The following NXPH2 variants were observed in gnomAD, a reference collection of about 807,000 sequenced individuals.
The protein encoded by NXPH2 is neurexophilin-2.
Under a neutral mutation model 19.8 loss-of-function variants are expected in NXPH2, and 5 were observed. That is an observed-to-expected ratio of 0.25 (90% CI 0.13 to 0.53). The LOEUF is 0.53. Ranked by LOEUF, NXPH2 falls within the 20% of genes least tolerant of loss-of-function variation. The pLI, the probability that NXPH2 is intolerant of heterozygous loss-of-function variation, is 0.96. For synonymous variants in NXPH2, 154 were observed against 127.4 expected, an observed-to-expected ratio of 1.21 and a Z score of -1.41; for missense variants, 289 against 322.8, an observed-to-expected ratio of 0.90 and a Z score of 0.80.
At chr2:138,703,489 G>A (rs1680963229) in intron 1 of NXPH2, among the ~76,000 whole-genome samples, 2 of 152,182 alleles carry the variant, frequency 1.3e-5, no homozygotes, top group African/African-American at 4.8e-5. Flanking sequence ...AGCCACTTGA[G>A]TACAAGTGAA....
At chr2:138,696,270 A>T (rs977727529) in intron 1 of NXPH2, among the ~76,000 whole-genome samples, 4 of 152,174 alleles carry the variant, frequency 2.6e-5, no homozygotes, top group Non-Finnish European at 5.9e-5. Flanking sequence ...GGTATACAGA[A>T]ATAGATATAA....
intron 1 of NXPH2, among the ~76,000 whole-genome samples, chr2:138,773,074 G>A (rs1196958233): frequency 1.3e-5 from 2 of 152,238 alleles, no homozygotes; most frequent in Admixed American, 1.3e-4. Context: ...ATCCATGAAT[G>A]TTGGAAGGCA....
intron 1 of NXPH2, among the ~76,000 whole-genome samples, chr2:138,756,652 G>A (rs890784854): frequency 5.9e-5 from 9 of 152,180 alleles, no homozygotes; most frequent in African/African-American, 2.2e-4. Flanking sequence ...AACAAGTGGA[G>A]GTGGCATAAA....
intron 1 of NXPH2, among the ~76,000 whole-genome samples, chr2:138,769,332 A>G (rs1298599552): frequency 6.6e-6 from 1 of 152,172 alleles, no homozygotes; most frequent in Non-Finnish European, 1.5e-5. Flanking sequence ...GGGGATGAGG[A>G]AAGATGAGCC....
intron 1 of NXPH2, among the ~76,000 whole-genome samples, chr2:138,682,754 T>C (rs1362417686): frequency 6.6e-6 from 1 of 152,212 alleles, no homozygotes; most frequent in African/African-American, 2.4e-5. Flanking sequence ...TAGATTGCAA[T>C]GCTTGGCAGT....
intron 1 of NXPH2, among the ~76,000 whole-genome samples, chr2:138,708,322 A>G (rs1681047693): frequency 1.3e-5 from 2 of 152,234 alleles, no homozygotes; most frequent in Admixed American, 1.3e-4. Flanking sequence ...AGTATCAATG[A>G]ATTAAGATGT....
At position 138,759,349 on chromosome 2, in the gene NXPH2, G is replaced by A. The variant is rs1007192507; in HGVS notation, c.51+20842C>T. 1.1e-4 allele frequency among the ~76,000 whole-genome samples: 16 copies of A among 147,716 alleles called. No individual in the cohort carries two copies. The South Asian group carries it at 1.2e-3, about 11-fold the overall frequency. ...AGTGGTGGCACAGAGGGTCCACAAT[G>A]CCCTCTGTGCCACCAGGCTTTGCCC... On this transcript the variant is annotated intron_variant, in intron 1 of 1. Coordinates refer to ENST00000272641, the MANE Select transcript of NXPH2 (RefSeq NM_007226.3).
At chr2:138,676,376 C>T (rs780724132) in intron 1 of NXPH2, among the ~76,000 whole-genome samples, 1 of 152,100 alleles carries the variant, frequency 6.6e-6, no homozygotes, top group Admixed American at 6.5e-5. Flanking sequence ...ACCAGGTCTA[C>T]CTAGATGGTT....
In NXPH2 at chr2:138,669,414, A is replaced by G. The variant is rs1680381966; in HGVS notation, c.*1508T>C. ...GCCTGTACTACCACACACTAAGCTT[A>G]GTACAATTTTTACAAAAGACAAAAA... On this transcript the variant is annotated 3_prime_UTR_variant, in exon 2 of 2. Transcript: ENST00000272641. Among the ~76,000 whole-genome samples the G allele has an allele frequency of 6.6e-6, 1 of 152,188 alleles. No homozygotes were observed. Among genetic ancestry groups the G allele is most frequent in the Admixed American group, 6.5e-5 (1 of 15,272 alleles).
At chr2:138,745,111 T>C (rs1455954461) in intron 1 of NXPH2, among the ~76,000 whole-genome samples, 1 of 152,188 alleles carries the variant, frequency 6.6e-6, no homozygotes, top group Non-Finnish European at 1.5e-5. Context: ...CAAGCTGCCC[T>C]TCTTGTTTTC....
At chr2:138,710,220 A>G (rs1270843860) in intron 1 of NXPH2, among the ~76,000 whole-genome samples, 1 of 152,204 alleles carries the variant, frequency 6.6e-6, no homozygotes, top group Non-Finnish European at 1.5e-5. Flanking sequence ...AGGTTTGTCC[A>G]TGCCGTAAAT....
intron 1 of NXPH2, among the ~76,000 whole-genome samples, chr2:138,747,990 T>C (rs1330662147): frequency 2.0e-5 from 3 of 152,200 alleles, no homozygotes; most frequent in East Asian, 3.9e-4. Context: ...TTCTCCAGGA[T>C]GATTTTAACA....
chr2:138,676,408 C>T (rs557832602), intron 1 of NXPH2, among the ~76,000 whole-genome samples: 2 of 152,220 alleles, frequency 1.3e-5, no homozygotes, highest in African/African-American at 4.8e-5. Context: ...GTCCCCAGTC[C>T]ACATGCTCAA....
intron 1 of NXPH2, among the ~76,000 whole-genome samples, chr2:138,697,753 A>G (rs1250919868): frequency 1.3e-5 from 2 of 151,972 alleles, no homozygotes; most frequent in East Asian, 3.9e-4. Flanking sequence ...AATAAAAATA[A>G]TAAACTAATA....
intron 1 of NXPH2, among the ~76,000 whole-genome samples, chr2:138,674,933 A>G (rs1414662150): frequency 6.6e-6 from 1 of 152,212 alleles, no homozygotes; most frequent in Non-Finnish European, 1.5e-5. Context: ...GTTTACAAGA[A>G]GTGCTCCCTT....
intron 1 of NXPH2, among the ~76,000 whole-genome samples, chr2:138,768,141 A>G (rs1304931231): frequency 6.6e-6 from 1 of 152,178 alleles, no homozygotes; most frequent in Non-Finnish European, 1.5e-5. Context: ...CTAATTGGGC[A>G]TTTTAAAAAT....
At chr2:138,766,766 T>A (rs1308314815) in intron 1 of NXPH2, among the ~76,000 whole-genome samples, 1 of 152,164 alleles carries the variant, frequency 6.6e-6, no homozygotes, top group Non-Finnish European at 1.5e-5. Flanking sequence ...AAGAAGCATA[T>A]TTTGAGGTCA....
At chr2:138,707,620 G>A (rs190228541) in intron 1 of NXPH2, among the ~76,000 whole-genome samples, 14 of 151,636 alleles carry the variant, frequency 9.2e-5, no homozygotes, top group Admixed American at 5.3e-4. Context: ...GGTTGCATAA[G>A]CATTCTGGGA....
chr2:138,763,674 T>C (rs765996230), intron 1 of NXPH2, among the ~76,000 whole-genome samples: 32 of 152,298 alleles, frequency 2.1e-4, no homozygotes, highest in Middle Eastern at 3.4e-3. Context: ...AACTGAAGTG[T>C]AGAAGTCTTG....
Sources: allele counts gnomAD v4.1 joint callset (sites outside exome capture counted in the v4.1 genomes callset), GRCh38; gene constraint gnomAD v4.1.1; transcripts MANE v1.5; gene names NCBI Gene and HGNC (gene_info 2026-07-23, HGNC 2026-07-21).